The following HK3 variants were observed in gnomAD, a reference collection of about 807,000 sequenced individuals.
The protein encoded by HK3 is hexokinase 3.
HK3 carries 93 observed loss-of-function variants against 91.0 expected under a neutral mutation model. The ratio of observed to expected loss-of-function variants is 1.02; its 90% CI spans 0.86 to 1.21. The LOEUF (loss-of-function observed/expected upper bound fraction) is 1.21. Ranked by LOEUF, HK3 falls within the 50% of genes most tolerant of loss-of-function variation. The probability of loss-of-function intolerance (pLI) is 0.00; values close to 1 mark genes in which losing one functional copy is unlikely to be tolerated. For missense variants in HK3, 1,235 were observed against 1,247.4 expected (o/e 0.99, Z 0.15); for synonymous variants, 519 against 516.9 (o/e 1.00, Z -0.06).
intron 2 of HK3, among the ~76,000 whole-genome samples, chr5:176,893,854 C>A (rs1758840641): frequency 6.6e-6 from 1 of 152,148 alleles, no homozygotes; most frequent in Non-Finnish European, 1.5e-5. Context: ...ACCCCTGACA[C>A]CCCAGGAAGA....
At position 176,890,824 on chromosome 5, in the gene HK3, T is replaced by A. The variant is rs747682780; in HGVS notation, c.532A>T (p.Arg178Trp). 1.9e-6 allele frequency: 3 copies of A among 1,614,074 alleles called. No homozygotes were observed. The African/African-American group carries it at 4.0e-5, about 22-fold the overall frequency. ...SFPCHQTGLDRSTLISWTKGF... is the reference protein window; with the variant it reads ...SFPCHQTGLDWSTLISWTKGF... ...GTCCCATGTCCACTCCACCTCACCC[T>A]GTCCAAGCCCGTCTGGTGACAAGGG... The change falls in exon 5 of 19, where the codon AGG becomes TGG. Residue 178 changes from arginine to tryptophan, a missense_variant and splice_region_variant. Around this residue, in one of 3 missense-constraint regions of HK3, gnomAD observed 717 missense variants for 751.6 expected, o/e 0.95. Coordinates refer to ENST00000292432, the MANE Select transcript of HK3 (RefSeq NM_002115.3).
At chr5:176,888,115 C>T (rs1758651755) in intron 10 of HK3, among the ~76,000 whole-genome samples, 1 of 152,148 alleles carries the variant, frequency 6.6e-6, no homozygotes, top group Non-Finnish European at 1.5e-5. Context: ...CATACGCCCC[C>T]GTGTCGCCAT....
chr5:176,888,640 G>C (rs1758669337), intron 9 of HK3, 69 bp downstream of exon 9: 1 of 1,611,302 alleles, frequency 6.2e-7, no homozygotes, highest in Non-Finnish European at 8.5e-7. Context: ...TGGCTACCTT[G>C]GGAACAGAGT....
chr5:176,887,325 A>G lies in HK3; in HGVS notation c.1613T>C (p.Phe538Ser), dbSNP rs377322720. 3.7e-6 allele frequency: 6 copies of G among 1,613,952 alleles called. No homozygotes were observed. Among genetic ancestry groups the G allele is most frequent in the Middle Eastern group, 1.6e-4 (1 of 6,062 alleles). Reference sequence around the variant, plus strand: ...CGTGCCCCCGAGGTCCAGGGCCAGGAAATCCCCTCGCTCTGTGGGGGCAGA... The same window carrying G: ...CGTGCCCCCGAGGTCCAGGGCCAGGGAATCCCCTCGCTCTGTGGGGGCAGA... ...ATPDGSERGD[F>S]LALDLGGTNF... is the part of the protein sequence containing the mutation. The change falls in exon 12 of 19, where the codon TTC becomes TCC. Residue 538 changes from phenylalanine to serine, a missense_variant. By Grantham distance (155) the Phe-to-Ser change is radical (BLOSUM62 -2). Around this residue, in one of 3 missense-constraint regions of HK3, gnomAD observed 717 missense variants for 751.6 expected, o/e 0.95. Coordinates refer to ENST00000292432, the MANE Select transcript of HK3 (RefSeq NM_002115.3). This position sits in a 1 kb window ranked among gnomAD's most constrained non-coding sequence, Gnocchi z 4.9.
intron 2 of HK3, among the ~76,000 whole-genome samples, chr5:176,893,598 G>T (rs1240037723): frequency 6.6e-6 from 1 of 152,234 alleles, no homozygotes; most frequent in African/African-American, 2.4e-5. Flanking sequence ...ATTAAAGGCT[G>T]TAATGTATGT....
rs141256234 is a variant in HK3 at position 176,895,864 on chromosome 5, C to T, written c.96+200G>A. Among the ~76,000 whole-genome samples the T allele has an allele frequency of 1.5e-3, 224 of 152,324 alleles. No homozygotes were observed. The Middle Eastern group carries it at 0.024, about 16-fold the overall frequency. Reference sequence around the variant, plus strand: ...TCAAGTCATAACACTTCTCTATATCCCTCTTCATCACCTGTAAGATGATCA... The same window carrying T: ...TCAAGTCATAACACTTCTCTATATCTCTCTTCATCACCTGTAAGATGATCA... On this transcript the variant is annotated intron_variant, in intron 2 of 18. Transcript: ENST00000292432.
In HK3 at chr5:176,891,054, G is replaced by C. The variant is rs938005223; in HGVS notation, c.397C>G (p.Leu133Val). The change falls in exon 4 of 19, where the codon CTG becomes GTG. Residue 133 changes from leucine (L) to valine (V), a missense_variant. This residue lies in a region of HK3 where 717 missense variants were observed against 751.6 expected (regional missense o/e 0.95). Coordinates refer to ENST00000292432, the MANE Select transcript of HK3 (RefSeq NM_002115.3). ...QEFVIPQEVMLGAGQQLFDFA... is the reference protein window; with the variant it reads ...QEFVIPQEVMVGAGQQLFDFA... The stretch of plus-strand genomic sequence containing the variant: ...GTGCTTACCTGCTGGCCAGCACCCA[G>C]CATCACCTCTTGGGGGATCACAAAC... 1.9e-6 allele frequency: 3 copies of C among 1,613,988 alleles called. No individual in the cohort carries two copies. The highest frequency in any genetic ancestry group is 1.7e-5 in the Admixed American group (1 of 60,018).
Position 176,896,180 on chromosome 5 carries a change from G to A in HK3, c.-21C>T. The stretch of plus-strand genomic sequence containing the variant: ...TCCATGAGCTTCCACAGTGGAAGGT[G>A]GCCACCTATGGGAGAAAAGGGACAA... On this transcript the variant is annotated 5_prime_UTR_variant, in exon 2 of 19. Transcript: ENST00000292432. 1 of 1,563,056 alleles carries A rather than the reference G, an allele frequency of 6.4e-7. No homozygotes were observed.
At chr5:176,895,404 C>T (rs1446962292) in intron 2 of HK3, among the ~76,000 whole-genome samples, 1 of 152,158 alleles carries the variant, frequency 6.6e-6, no homozygotes, top group Non-Finnish European at 1.5e-5. Context: ...CTCCATTAGC[C>T]TTCAGGGGGT....
intron 6 of HK3, 46 bp downstream of exon 6, chr5:176,890,589 C>T: frequency 6.4e-7 from 1 of 1,558,206 alleles, no homozygotes; most frequent in South Asian, 1.1e-5. Flanking sequence ...TGTGCCAGGC[C>T]CAGGCCAACA....
At chr5:176,885,271 G>A (rs1758552242) in intron 13 of HK3, among the ~76,000 whole-genome samples, 1 of 152,200 alleles carries the variant, frequency 6.6e-6, no homozygotes, top group Admixed American at 6.5e-5. Flanking sequence ...AGTGGCAGAG[G>A]CAAGTGCCCA....
chr5:176,881,831 T>C lies in HK3; in HGVS notation c.2254A>G (p.Ser752Gly). ...PGKQRFEKMI[S>G]GMYLGEIVRH... is the part of the protein sequence containing the mutation. ...ACGATCTCCCCCAGGTACATGCCGC[T>C]GATCATCTTTTCAAACCTGCATGAA... Residue 752 changes from serine to glycine, a missense_variant, in exon 17 of 19, where the codon AGC (serine) becomes GGC (glycine). Physicochemically the swap from Ser to Gly is moderately conservative, Grantham distance 56 (BLOSUM62 0). This residue lies in a region of HK3 where 513 missense variants were observed against 477.4 expected (regional missense o/e 1.07). Transcript: ENST00000292432. 6.2e-7 allele frequency: 1 copy of C among 1,613,884 alleles called. No individual in the cohort carries two copies. Among genetic ancestry groups the C allele is most frequent in the Non-Finnish European group, 8.5e-7 (1 of 1,179,986 alleles).
At chr5:176,890,562 C>T in intron 6 of HK3, 73 bp downstream of exon 6, 1 of 1,299,480 alleles carries the variant, frequency 7.7e-7, no homozygotes, top group African/African-American at 1.4e-5. Context: ...CTCTCAGAAG[C>T]CCAGACCCAA....
In HK3 at chr5:176,881,034, C is replaced by A. The variant is rs1378560368; in HGVS notation, c.*39G>T. 4.5e-6 allele frequency: 7 copies of A among 1,555,658 alleles called. No homozygotes were observed. The highest frequency in any genetic ancestry group is 6.1e-6 in the Non-Finnish European group (7 of 1,152,358). ...CAGGCAGACCCCGACCCGGCTCCAG[C>A]AAGGCTGCGGCGGAGACCTCCTCAG... On this transcript the variant is annotated 3_prime_UTR_variant, in exon 19 of 19. Transcript: ENST00000292432.
Position 176,887,427 on chromosome 5 carries a change from C to T in HK3, c.1600+24G>A, listed in dbSNP as rs1203518540. 1.4e-5 allele frequency: 22 copies of T among 1,612,522 alleles called. No homozygotes were observed. The highest frequency in any genetic ancestry group is 1.7e-5 in the Non-Finnish European group (20 of 1,179,144). Reference sequence around the variant, plus strand: ...GACCCCCAGGAGCCCATGTTTCGGTCCCACACTCAGGCCAGGTCCTTACCG... The same window carrying T: ...GACCCCCAGGAGCCCATGTTTCGGTTCCACACTCAGGCCAGGTCCTTACCG... On this transcript the variant is annotated intron_variant, in intron 11 of 18. Transcript: ENST00000292432. The surrounding 1 kb of genome is among the most constrained non-coding windows in gnomAD (Gnocchi z 4.9).
rs566539907 is a variant in HK3 at position 176,881,743 on chromosome 5, C to T, written c.2342G>A (p.Arg781His). 150 of 1,614,036 alleles carry T rather than the reference C, an allele frequency of 9.3e-5. No homozygotes were observed. The highest frequency in any genetic ancestry group is 2.8e-4 in the Admixed American group (17 of 60,004). ...GVLFRGQQIQRLQTRDIFKTK... is the reference protein window; with the variant it reads ...GVLFRGQQIQHLQTRDIFKTK... ...CTTGAAGATGTCCCTGGTCTGAAGG[C>T]GCTGGATCTGCTGGCCCCGGAAGAG... The change falls in exon 17 of 19, where the codon CGC becomes CAC. Residue 781 changes from arginine (R) to histidine (H), a missense_variant. Arg to His is a conservative substitution (Grantham distance 29). Coordinates refer to ENST00000292432, the MANE Select transcript of HK3 (RefSeq NM_002115.3).
In HK3 at chr5:176,883,829, A is replaced by G. The variant is rs751478472; in HGVS notation, c.1994T>C (p.Val665Ala). The part of the protein sequence containing the change: ...LNVVAIVNDT[V>A]GTMMSCGYED... ...ATAGCCACAGGACATCATGGTCCCC[A>G]CCGTGTCATTGACAATGGCAACCAC... is the stretch of plus-strand genomic sequence containing the variant. The change falls in exon 15 of 19, where the codon GTG becomes GCG. Residue 665 changes from valine (V) to alanine (A), a missense_variant. This residue lies in a region of HK3 where 513 missense variants were observed against 477.4 expected (regional missense o/e 1.07). Transcript: ENST00000292432. 1.9e-6 allele frequency: 3 copies of G among 1,614,062 alleles called. No individual in the cohort carries two copies. In the South Asian group the frequency reaches 3.3e-5, roughly 18 times the overall value.
Position 176,888,447 on chromosome 5 carries a change from G to A in HK3, c.1189C>T (p.Gln397Ter). Reference protein sequence around the residue: ...VCAAVCTRAAQLCAAALAAVL... With the variant: ...VCAAVCTRAA ...GCGGCCAGGGCGGCAGCACAGAGCT[G>A]GGCAGCCCGCGTGCACACGGCCGCA... Residue 397 changes from glutamine to a stop codon, truncating the protein, a stop_gained, in exon 10 of 19, where the codon CAG becomes TAG. Transcript: ENST00000292432. LOFTEE classifies it high-confidence loss of function. The A allele has an allele frequency of 6.4e-7, 1 of 1,556,852 alleles. No homozygotes were observed. The highest frequency in any genetic ancestry group is 8.7e-7 in the Non-Finnish European group (1 of 1,149,712).
At position 176,881,328 on chromosome 5, in the gene HK3, A is replaced by C; in HGVS notation, c.2601T>G (p.Asp867Glu). The change falls in exon 18 of 19, where the codon GAT becomes GAG. Residue 867 changes from aspartate (D) to glutamate (E), a missense_variant. Physicochemically the swap from Asp to Glu is conservative, Grantham distance 45 (BLOSUM62 2). Transcript: ENST00000292432. ...GCGGGTGCAGCTTGTAGAGCGTTCC[A>C]TCCACCCCCACAGACACTGCCAGCT... ...LEELAVSVGV[D>E]GTLYKLHPRF... 6.2e-7 allele frequency: 1 copy of C among 1,613,918 alleles called. No individual in the cohort carries two copies. Among genetic ancestry groups the C allele is most frequent in the African/African-American group, 1.3e-5 (1 of 75,008 alleles).
Sources: allele counts gnomAD v4.1 joint callset (sites outside exome capture counted in the v4.1 genomes callset), GRCh38; gene constraint gnomAD v4.1.1; regional missense constraint gnomAD v4.1.1; non-coding constraint Gnocchi (gnomAD v3.1); transcripts MANE v1.5; gene names NCBI Gene and HGNC (gene_info 2026-07-23, HGNC 2026-07-21).